PDE4D: variants seen among roughly 807,000 people sequenced by gnomAD.
PDE4D encodes 3',5'-cyclic-AMP phosphodiesterase 4D.
A neutral mutation model predicts 87.4 loss-of-function variants in PDE4D; 24 were observed. The observed-to-expected ratio is 0.27, with a 90% CI of 0.20 to 0.39. The LOEUF is 0.39. Among genes scored for constraint, PDE4D ranks in the 10% least tolerant of loss-of-function variants. The pLI, the probability that PDE4D is intolerant of heterozygous loss-of-function variation, is 1.00. For synonymous variants in PDE4D, 384 were observed against 383.2 expected (o/e 1.00, Z -0.02); for missense variants, 714 against 1,041.0 (o/e 0.69, Z 4.32).
intron 1 of PDE4D, among the ~76,000 whole-genome samples, chr5:59,519,335 A>G (rs1811764656): frequency 6.6e-6 from 1 of 152,262 alleles, no homozygotes; most frequent in South Asian, 2.1e-4. Flanking sequence ...ATAAAAATAC[A>G]GCAGGGAACG....
chr5:59,762,121 T>C (rs1024932855), intron 1 of PDE4D, among the ~76,000 whole-genome samples: 2 of 151,950 alleles, frequency 1.3e-5, no homozygotes, highest in Admixed American at 6.6e-5. Context: ...TGTGTGTATA[T>C]ATATGTAGGT....
chr5:59,624,545 A>G (rs1387601677), intron 1 of PDE4D, among the ~76,000 whole-genome samples: 1 of 152,222 alleles, frequency 6.6e-6, no homozygotes, highest in Non-Finnish European at 1.5e-5. Flanking sequence ...CAAACGTGGT[A>G]GTACTCGGCT....
intron 1 of PDE4D, among the ~76,000 whole-genome samples, chr5:60,362,456 T>C (rs989878748): frequency 6.6e-6 from 1 of 152,246 alleles, no homozygotes; most frequent in Non-Finnish European, 1.5e-5. Flanking sequence ...AGGATGATGA[T>C]TGATGAGGAT....
At chr5:60,409,971 C>A (rs1741906969) in intron 1 of PDE4D, among the ~76,000 whole-genome samples, 1 of 152,166 alleles carries the variant, frequency 6.6e-6, no homozygotes, top group Non-Finnish European at 1.5e-5. Flanking sequence ...TGAAGGATTT[C>A]TGCCCCATTC....
chr5:59,150,898 G>A (rs1779381637), intron 5 of PDE4D, among the ~76,000 whole-genome samples: 1 of 152,140 alleles, frequency 6.6e-6, no homozygotes, highest in Non-Finnish European at 1.5e-5. Flanking sequence ...TACAAACTCA[G>A]GCAATGAGAA....
At chr5:59,082,401 A>T (rs180725356) in intron 5 of PDE4D, among the ~76,000 whole-genome samples, 163 of 152,298 alleles carry the variant, frequency 1.1e-3, no homozygotes, top group African/African-American at 3.8e-3. Flanking sequence ...AGAGAGAAGG[A>T]AATCATTCTA....
At chr5:59,183,556 G>A (rs1742180861) in intron 4 of PDE4D, among the ~76,000 whole-genome samples, 1 of 152,178 alleles carries the variant, frequency 6.6e-6, no homozygotes, top group Admixed American at 6.5e-5. Flanking sequence ...AAAAATCTCA[G>A]TTTCCTGGGT....
In PDE4D at chr5:59,293,095, G is replaced by T. The variant is rs186184448; in HGVS notation, c.456-77127C>A. Among the ~76,000 whole-genome samples, 112 of 152,228 alleles carry T rather than the reference G, an allele frequency of 7.4e-4. 3 individuals carry two copies. In the East Asian group the frequency reaches 0.018, roughly 24 times the overall value. ...GCCAGCTTTGAGGACCTAAAATTTA[G>T]CTGGGAAGAAGAATACAATTCTCCT... On this transcript the variant is annotated intron_variant, in intron 1 of 14. Coordinates refer to ENST00000340635, the MANE Select transcript of PDE4D (RefSeq NM_001104631.2).
At chr5:59,946,304 A>T (rs1757717832) in intron 3 of PDE4D, among the ~76,000 whole-genome samples, 1 of 152,196 alleles carries the variant, frequency 6.6e-6, no homozygotes, top group South Asian at 2.1e-4. Flanking sequence ...TACCACAGAC[A>T]ATGACAGACA....
At chr5:60,285,591 A>C (rs1156973248) in intron 1 of PDE4D, among the ~76,000 whole-genome samples, 3 of 152,214 alleles carry the variant, frequency 2.0e-5, no homozygotes, top group African/African-American at 4.8e-5. Flanking sequence ...GAATTAAAAA[A>C]ATGAAATTTC....
chr5:60,477,211 G>A (rs1197330641), intron 1 of PDE4D, among the ~76,000 whole-genome samples: 1 of 152,112 alleles, frequency 6.6e-6, no homozygotes, highest in East Asian at 1.9e-4. Flanking sequence ...TATAGTAATA[G>A]CGGCTCCAAA....
At chr5:59,630,919 G>C (rs1022777747) in intron 1 of PDE4D, among the ~76,000 whole-genome samples, 1 of 151,590 alleles carries the variant, frequency 6.6e-6, no homozygotes, top group African/African-American at 2.4e-5. Context: ...CTGACGCTCG[G>C]TTTTTTTTCC....
intron 1 of PDE4D, among the ~76,000 whole-genome samples, chr5:59,441,647 A>C (rs1275560264): frequency 2.0e-5 from 3 of 152,168 alleles, no homozygotes; most frequent in African/African-American, 7.2e-5. Flanking sequence ...AATGTCAGTC[A>C]GCTTAATTTC....
At chr5:60,336,803 A>G (rs1030478278) in intron 1 of PDE4D, among the ~76,000 whole-genome samples, 3 of 152,132 alleles carry the variant, frequency 2.0e-5, no homozygotes, top group African/African-American at 7.2e-5. Flanking sequence ...GGCAATACCC[A>G]TCCAGTGGGG....
intron 3 of PDE4D, among the ~76,000 whole-genome samples, chr5:59,977,477 A>G (rs1417526212): frequency 1.3e-5 from 2 of 152,226 alleles, no homozygotes; most frequent in Admixed American, 1.3e-4. Context: ...CATGATGTTT[A>G]AAGAAAAGAA....
intron 1 of PDE4D, among the ~76,000 whole-genome samples, chr5:59,864,266 C>T (rs1746699469): frequency 6.6e-6 from 1 of 152,178 alleles, no homozygotes; most frequent in Middle Eastern, 3.4e-3. Context: ...TTAACTGGAC[C>T]TAGTAGGAGC....
chr5:59,109,438 G>A (rs559338982), intron 5 of PDE4D, among the ~76,000 whole-genome samples: 28 of 152,338 alleles, frequency 1.8e-4, no homozygotes, highest in Non-Finnish European at 2.9e-4. Context: ...GCATTTAAGT[G>A]GATCTTTTCA....
At chr5:59,073,737 A>G (rs1048437993) in intron 5 of PDE4D, among the ~76,000 whole-genome samples, 2 of 152,186 alleles carry the variant, frequency 1.3e-5, no homozygotes, top group African/African-American at 2.4e-5. Flanking sequence ...TCTCTTGCCA[A>G]TGAATGGCTT....
At chr5:60,140,956 G>T (rs1240793853) in intron 2 of PDE4D, among the ~76,000 whole-genome samples, 3 of 152,104 alleles carry the variant, frequency 2.0e-5, no homozygotes, top group African/African-American at 7.2e-5. Context: ...TTTTATAGAC[G>T]CCAAAGCTAG....
Sources: allele counts gnomAD v4.1 joint callset (sites outside exome capture counted in the v4.1 genomes callset), GRCh38; gene constraint gnomAD v4.1.1; transcripts MANE v1.5; gene names NCBI Gene and HGNC (gene_info 2026-07-23, HGNC 2026-07-21).